ADGRE3: variants seen among roughly 807,000 people sequenced by gnomAD.
ADGRE3 encodes the protein EGF-like module receptor 3.
A neutral mutation model predicts 80.1 loss-of-function variants in ADGRE3; 88 were observed. The observed-to-expected ratio is 1.10, with a 90% CI of 0.93 to 1.31. The LOEUF (loss-of-function observed/expected upper bound fraction) is 1.31. Among genes scored for constraint, ADGRE3 ranks in the 40% most tolerant of loss-of-function variants. The pLI, the probability that ADGRE3 is intolerant of heterozygous loss-of-function variation, is 0.00. For synonymous variants in ADGRE3, 281 were observed against 294.8 expected, an observed-to-expected ratio of 0.95 and a Z score of 0.48; for missense variants, 715 against 776.5, an observed-to-expected ratio of 0.92 and a Z score of 0.94.
chr19:14,632,928 T>C lies in ADGRE3; in HGVS notation c.1636A>G (p.Asn546Asp). 6.2e-7 allele frequency: 1 copy of C among 1,608,296 alleles called. No individual in the cohort carries two copies. Among genetic ancestry groups the C allele is most frequent in the African/African-American group, 1.3e-5 (1 of 74,908 alleles). Residue 546 changes from asparagine (N) to aspartate (D), a missense_variant, in exon 13 of 16, where the codon AAC (asparagine) becomes GAC (aspartate). Coordinates refer to ENST00000253673, the MANE Select transcript of ADGRE3 (RefSeq NM_032571.5). ...SLNSEVSTIQ[N>D]TRMLAFKATA... ...CCATTTGTCACATCCTACCTTGTGTTCTGGATGGTTGACACTTCACTATTG... is the reference window on the plus strand; with the variant it reads ...CCATTTGTCACATCCTACCTTGTGTCCTGGATGGTTGACACTTCACTATTG...
chr19:14,601,995 T>C, the ADGRE3 span, among the ~76,000 whole-genome samples: 2 of 152,054 alleles, frequency 1.3e-5, no homozygotes, highest in Non-Finnish European at 2.9e-5. Flanking sequence ...GGTTTCACTG[T>C]GTTAGCCAGG....
At chr19:14,628,240 C>T (rs891962978) in intron 14 of ADGRE3, among the ~76,000 whole-genome samples, 5 of 150,144 alleles carry the variant, frequency 3.3e-5, no homozygotes, top group Non-Finnish European at 1.5e-5. Flanking sequence ...AAGTGTTTTG[C>T]GTATGCTCAT....
chr19:14,641,635 G>T lies in ADGRE3; in HGVS notation c.1051-19C>A. ...CCTCCTCCTGGGACCGAGAAAAAAA[G>T]TTCACAGTGATGCTTTCCTGCACTG... On this transcript the variant is annotated intron_variant, in intron 9 of 15. Transcript: ENST00000253673. 6.2e-7 allele frequency: 1 copy of T among 1,612,992 alleles called. No individual in the cohort carries two copies. The highest frequency in any genetic ancestry group is 8.5e-7 in the Non-Finnish European group (1 of 1,179,560).
At chr19:14,617,554 C>G (rs1348853941), downstream of ADGRE3, among the ~76,000 whole-genome samples, 1 of 151,576 alleles carries the variant, frequency 6.6e-6, no homozygotes, top group African/African-American at 2.4e-5. Flanking sequence ...CCTGCCACCA[C>G]GCCTGGCTAA....
chr19:14,650,982 G>A (rs1266282660), intron 7 of ADGRE3, 103 bp downstream of exon 7: 4 of 1,233,132 alleles, frequency 3.2e-6, no homozygotes, highest in African/African-American at 3.0e-5. Context: ...TAGTTTGAGG[G>A]TAAAAAGCCC....
the ADGRE3 span, among the ~76,000 whole-genome samples, chr19:14,600,925 T>C: frequency 8.9e-6 from 1 of 112,536 alleles, no homozygotes. Flanking sequence ...TTTTTTGAGA[T>C]GGAGTCTCAC....
At chr19:14,664,131 GTC>G (rs1972028703) in intron 2 of ADGRE3, among the ~76,000 whole-genome samples, 1 of 152,006 alleles carries the variant, frequency 6.6e-6, no homozygotes, top group South Asian at 2.1e-4. Flanking sequence ...GTGAAACCCC[GTC>G]TCTACTAAAA....
chr19:14,652,303 A>G (rs1374246898), intron 6 of ADGRE3, among the ~76,000 whole-genome samples: 1 of 152,102 alleles, frequency 6.6e-6, no homozygotes, highest in Non-Finnish European at 1.5e-5. Flanking sequence ...TAATAAAGCT[A>G]AAAAATGTTA....
downstream of ADGRE3, among the ~76,000 whole-genome samples, chr19:14,616,629 T>A (rs867457306): frequency 6.6e-6 from 1 of 151,734 alleles, no homozygotes; most frequent in Admixed American, 6.6e-5. Flanking sequence ...CGGTCAAGTT[T>A]GGTAAGACTG....
chr19:14,639,916 A>G (rs1971202107), intron 10 of ADGRE3, among the ~76,000 whole-genome samples: 1 of 152,178 alleles, frequency 6.6e-6, no homozygotes, highest in African/African-American at 2.4e-5. Context: ...GATGTACAAT[A>G]GCTCTCTTGT....
At chr19:14,618,846 C>CAAAAAAA (rs771965258), downstream of ADGRE3, among the ~76,000 whole-genome samples, 10,993 of 61,812 alleles carry the variant, frequency 0.18, 1,457 homozygotes, top group Non-Finnish European at 0.22. Context: ...AACTCCATCT[C>CAAAAAAA]AAAAAAAAAA....
intron 14 of ADGRE3, among the ~76,000 whole-genome samples, chr19:14,629,204 G>T (rs764773338): frequency 3.3e-5 from 5 of 152,190 alleles, no homozygotes; most frequent in Non-Finnish European, 7.3e-5. Context: ...GATTACAGGC[G>T]TGAGCCACTG....
intron 2 of ADGRE3, among the ~76,000 whole-genome samples, chr19:14,664,831 G>T (rs570170339): frequency 2.4e-4 from 37 of 151,770 alleles, no homozygotes; most frequent in Non-Finnish European, 4.4e-4. Context: ...TAAATTCACA[G>T]AATTGAAAAA....
At chr19:14,623,142 A>G (rs1346591314) in intron 15 of ADGRE3, among the ~76,000 whole-genome samples, 2 of 40,838 alleles carry the variant, frequency 4.9e-5, no homozygotes, top group Admixed American at 5.5e-4. Flanking sequence ...ATAACAGACC[A>G]CTGTATGTTT....
At chr19:14,636,082 C>CTTTCTTTCTTTCTTTCTTTCTTTTTCTT (rs1568481144) in intron 11 of ADGRE3, among the ~76,000 whole-genome samples, 1 of 6,878 alleles carries the variant, frequency 1.5e-4, no homozygotes, top group African/African-American at 4.0e-4. Context: ...TTTCCTTTCC[C>CTTTCTTTCTTTCTTTCTTTCTTTTTCTT]TTTCTTTCTT....
intron 1 of ADGRE3, among the ~76,000 whole-genome samples, chr19:14,673,440 G>A (rs1972309662): frequency 6.6e-6 from 1 of 152,190 alleles, no homozygotes; most frequent in Non-Finnish European, 1.5e-5. Flanking sequence ...GTACAGAGAT[G>A]GTGGTTGAAG....
At chr19:14,625,723 A>G (rs1970721257) in intron 14 of ADGRE3, 124 bp from the exon 15 acceptor site, 2 of 646,132 alleles carry the variant, frequency 3.1e-6, no homozygotes, top group Non-Finnish European at 2.8e-6. Flanking sequence ...AACATGGTCT[A>G]TTCGTACAAT....
At chr19:14,636,075 C>CT (rs1267579172) in intron 11 of ADGRE3, among the ~76,000 whole-genome samples, 2 of 70,592 alleles carry the variant, frequency 2.8e-5, no homozygotes, top group African/African-American at 5.7e-5. Flanking sequence ...CCTTTCCTTT[C>CT]CTTTCCCTTT....
downstream of ADGRE3, among the ~76,000 whole-genome samples, chr19:14,618,313 G>A (rs942829593): frequency 1.3e-5 from 2 of 152,060 alleles, no homozygotes; most frequent in African/African-American, 4.8e-5. Flanking sequence ...AGCACTTTGG[G>A]AGGCCCCGGC....
Sources: allele counts gnomAD v4.1 joint callset (sites outside exome capture counted in the v4.1 genomes callset), GRCh38; gene constraint gnomAD v4.1.1; transcripts MANE v1.5; gene names NCBI Gene and HGNC (gene_info 2026-07-23, HGNC 2026-07-21).